The following ADAM9 variants were observed in gnomAD, a reference collection of about 807,000 sequenced individuals.
ADAM9 encodes ADAM metallopeptidase domain 9, also known as disintegrin and metalloproteinase domain-containing protein 9.
A neutral mutation model predicts 108.1 loss-of-function variants in ADAM9; 54 were observed. The observed-to-expected ratio is 0.50, with a 90% CI of 0.40 to 0.63. The LOEUF (loss-of-function observed/expected upper bound fraction) is 0.63. ADAM9 is among the 20% of genes least tolerant of loss of function. The probability of loss-of-function intolerance (pLI) is 0.00; values close to 1 mark genes in which losing one functional copy is unlikely to be tolerated. For synonymous variants in ADAM9, 316 were observed against 336.0 expected (o/e 0.94, Z 0.65); for missense variants, 830 against 997.7 (o/e 0.83, Z 2.26).
intron 12 of ADAM9, among the ~76,000 whole-genome samples, chr8:39,049,391 T>TA (rs1478375000): frequency 2.6e-5 from 4 of 152,026 alleles, no homozygotes; most frequent in African/African-American, 9.7e-5. Context: ...ATGTTGTTGT[T>TA]ACAGTTTACA....
At chr8:39,069,235 G>C (rs1388167952) in intron 14 of ADAM9, among the ~76,000 whole-genome samples, 1 of 151,538 alleles carries the variant, frequency 6.6e-6, no homozygotes, top group African/African-American at 2.4e-5. Context: ...CATTGTCTGT[G>C]GGTTTATGAA....
At chr8:39,002,816 T>G (rs1304311626) in intron 1 of ADAM9, among the ~76,000 whole-genome samples, 1 of 152,144 alleles carries the variant, frequency 6.6e-6, no homozygotes, top group East Asian at 1.9e-4. Flanking sequence ...GTGGTTCACG[T>G]TTTCTCTTCA....
intron 2 of ADAM9, among the ~76,000 whole-genome samples, 162 bp from the exon 3 acceptor site, chr8:39,011,496 T>A (rs1836353187): frequency 6.6e-6 from 1 of 152,222 alleles, no homozygotes; most frequent in Non-Finnish European, 1.5e-5. Context: ...GAGTATATTT[T>A]TTATTATTTA....
rs1000325868 is a variant in ADAM9, at chr8:39,045,464, G to A, written c.1302+3347G>A. Among the ~76,000 whole-genome samples the A allele has an allele frequency of 6.8e-5, 10 of 146,778 alleles. 1 individual carries two copies. In the East Asian group the frequency reaches 1.4e-3, roughly 21 times the overall value. ...CGTGTGTACACACACCTATATGTGC[G>A]TGTGTGTACACACACCTATATGTGC... On this transcript the variant is annotated intron_variant, in intron 12 of 21. Transcript: ENST00000487273.
intron 11 of ADAM9, among the ~76,000 whole-genome samples, chr8:39,032,877 T>G (rs1443118277): frequency 6.6e-6 from 1 of 150,820 alleles, no homozygotes; most frequent in Non-Finnish European, 1.5e-5. Flanking sequence ...TCCAACTTTG[T>G]TCTTCTTCTT....
Position 39,082,340 on chromosome 8 carries a change from A to G in ADAM9, c.1882-301A>G, listed in dbSNP as rs1416021397. 2.0e-5 allele frequency among the ~76,000 whole-genome samples: 3 copies of G among 152,144 alleles called. No individual in the cohort carries two copies. In the East Asian group the frequency reaches 5.8e-4, roughly 29 times the overall value. ...AGTTACTTTTGATTTGAAAAAGTCT[A>G]TTTGTGAATATTTTATTTAGGATCT... On this transcript the variant is annotated intron_variant, in intron 16 of 21. Coordinates refer to ENST00000487273, the MANE Select transcript of ADAM9 (RefSeq NM_003816.3).
At chr8:39,086,576 T>G (rs919187924) in intron 18 of ADAM9, among the ~76,000 whole-genome samples, 1 of 152,216 alleles carries the variant, frequency 6.6e-6, no homozygotes, top group Admixed American at 6.5e-5. Context: ...GCTAATGTCC[T>G]TGTCTACTAA....
At chr8:39,084,383 A>T (rs1839118380) in intron 18 of ADAM9, among the ~76,000 whole-genome samples, 1 of 147,976 alleles carries the variant, frequency 6.8e-6, no homozygotes, top group Admixed American at 6.7e-5. Flanking sequence ...GTTTTCCTTT[A>T]ATTCAGAAAT....
chr8:39,093,981 A>G lies in ADAM9; in HGVS notation c.2298+2635A>G, dbSNP rs112217743. Among the ~76,000 whole-genome samples the G allele has an allele frequency of 7.2e-3, 1,100 of 152,282 alleles. 20 individuals are homozygous for G. The highest frequency in any genetic ancestry group is 0.025 in the African/African-American group (1,052 of 41,548). Reference sequence around the variant, plus strand: ...GAGACAGGGTTTTGCCATATTGGCCAGGCTGGTCTTGAACTCCGGACCTCA... The same window carrying G: ...GAGACAGGGTTTTGCCATATTGGCCGGGCTGGTCTTGAACTCCGGACCTCA... On this transcript the variant is annotated intron_variant, in intron 20 of 21. Transcript: ENST00000487273.
At chr8:39,043,724 T>G (rs1453618886) in intron 12 of ADAM9, among the ~76,000 whole-genome samples, 3 of 152,248 alleles carry the variant, frequency 2.0e-5, no homozygotes, top group East Asian at 3.9e-4. Flanking sequence ...TACCTGTCAT[T>G]CAAATAGTGA....
At chr8:39,013,536 T>C (rs1283893239) in intron 3 of ADAM9, among the ~76,000 whole-genome samples, 1 of 150,982 alleles carries the variant, frequency 6.6e-6, no homozygotes, top group East Asian at 1.9e-4. Flanking sequence ...AAGGTCTTAC[T>C]CTGTTATCCA....
At chr8:39,071,439 A>T (rs868742774) in intron 15 of ADAM9, 36 bp downstream of exon 15, 18 of 1,132,810 alleles carry the variant, frequency 1.6e-5, no homozygotes, top group Non-Finnish European at 2.3e-5. Flanking sequence ...AATATGAAAG[A>T]TTATAAGATC....
chr8:39,024,480 G>T (rs1340426796), intron 9 of ADAM9, among the ~76,000 whole-genome samples: 3 of 152,096 alleles, frequency 2.0e-5, no homozygotes, highest in African/African-American at 7.2e-5. Context: ...AGTTGAGAAT[G>T]GGGTCCCGAA....
At chr8:39,068,930 C>T (rs1838586748) in intron 14 of ADAM9, among the ~76,000 whole-genome samples, 2 of 152,084 alleles carry the variant, frequency 1.3e-5, no homozygotes, top group South Asian at 4.1e-4. Flanking sequence ...AGAGAAGAGA[C>T]AGTCACTTGG....
intron 1 of ADAM9, among the ~76,000 whole-genome samples, chr8:38,999,070 G>T (rs999664154): frequency 1.3e-5 from 2 of 152,098 alleles, no homozygotes; most frequent in Non-Finnish European, 2.9e-5. Context: ...AGAGGCTTTT[G>T]TAATAGTGTG....
At chr8:39,014,861 A>C in intron 4 of ADAM9, 1 of 305,536 alleles carries the variant, frequency 3.3e-6, no homozygotes. Context: ...AAACCAAGGA[A>C]ATGCTGACTT....
intron 12 of ADAM9, among the ~76,000 whole-genome samples, chr8:39,045,159 CATACATATATGTGTATATATGTGT>C (rs1564298198): frequency 6.7e-5 from 7 of 104,188 alleles, no homozygotes; most frequent in African/African-American, 1.9e-4. Flanking sequence ...TATGTGTATA[CATACATATATGTGTATATATGTGT>C]ATACATACAT....
chr8:38,999,846 G>A (rs1363141680), intron 1 of ADAM9, among the ~76,000 whole-genome samples: 4 of 152,186 alleles, frequency 2.6e-5, no homozygotes, highest in Admixed American at 2.0e-4. Context: ...TAAGTAACTG[G>A]AAGCTTTTTC....
chr8:39,061,755 A>G (rs1211049340), intron 14 of ADAM9, among the ~76,000 whole-genome samples: 1 of 152,082 alleles, frequency 6.6e-6, no homozygotes, highest in Non-Finnish European at 1.5e-5. Flanking sequence ...TTTTATAACA[A>G]TATTAATCTT....
Sources: allele counts gnomAD v4.1 joint callset (sites outside exome capture counted in the v4.1 genomes callset), GRCh38; gene constraint gnomAD v4.1.1; transcripts MANE v1.5; gene names NCBI Gene and HGNC (gene_info 2026-07-23, HGNC 2026-07-21).